SLC24A2: variants seen among roughly 807,000 people sequenced by gnomAD.
The protein encoded by SLC24A2 is sodium/potassium/calcium exchanger 2.
Under a neutral mutation model 62.0 loss-of-function variants are expected in SLC24A2, and 36 were observed. That is an observed-to-expected ratio of 0.58 (90% CI 0.44 to 0.77). The LOEUF is 0.77. SLC24A2 is among the 30% of genes least tolerant of loss of function. The pLI, the probability that SLC24A2 is intolerant of heterozygous loss-of-function variation, is 0.00. For missense variants in SLC24A2, 846 were observed against 817.9 expected, an observed-to-expected ratio of 1.03 and a Z score of -0.42; for synonymous variants, 358 against 294.0, an observed-to-expected ratio of 1.22 and a Z score of -2.23.
the SLC24A2 span, among the ~76,000 whole-genome samples, chr9:19,969,124 T>A: frequency 6.7e-6 from 1 of 150,112 alleles, no homozygotes; most frequent in East Asian, 2.0e-4. Context: ...TAAACCTGAA[T>A]TCCTGAGGCC....
the SLC24A2 span, among the ~76,000 whole-genome samples, chr9:20,276,170 T>A: frequency 1.3e-5 from 2 of 152,182 alleles, no homozygotes; most frequent in Non-Finnish European, 2.9e-5. Context: ...CAAAGTCTCA[T>A]ATGAGACAAG....
the SLC24A2 span, among the ~76,000 whole-genome samples, chr9:19,932,136 T>C: frequency 6.6e-6 from 1 of 152,150 alleles, no homozygotes; most frequent in African/African-American, 2.4e-5. Flanking sequence ...AGTAAAACTC[T>C]AAAAAATAGT....
At chr9:20,161,178 A>G in the SLC24A2 span, among the ~76,000 whole-genome samples, 1 of 151,412 alleles carries the variant, frequency 6.6e-6, no homozygotes, top group Non-Finnish European at 1.5e-5. Context: ...CTTTGACAAA[A>G]CTGACATTAA....
chr9:20,196,303 T>C, the SLC24A2 span, among the ~76,000 whole-genome samples: 1 of 152,336 alleles, frequency 6.6e-6, no homozygotes, highest in African/African-American at 2.4e-5. Context: ...GCATTATTAA[T>C]AGTAATGAAG....
chr9:19,952,945 AT>A, the SLC24A2 span, among the ~76,000 whole-genome samples: 1 of 151,948 alleles, frequency 6.6e-6, no homozygotes, highest in East Asian at 1.9e-4. Flanking sequence ...GTATAAGGCT[AT>A]TAACATTCTC....
chr9:19,917,550 C>A, the SLC24A2 span, among the ~76,000 whole-genome samples: 2 of 151,944 alleles, frequency 1.3e-5, no homozygotes, highest in East Asian at 3.9e-4. Context: ...GAATCACAGC[C>A]AGGTCTTGTG....
At chr9:19,681,876 C>T (rs777649839) in intron 2 of SLC24A2, among the ~76,000 whole-genome samples, 5 of 152,092 alleles carry the variant, frequency 3.3e-5, no homozygotes, top group African/African-American at 1.2e-4. Flanking sequence ...TTCAATTAAC[C>T]TTTATCTAAG....
At chr9:20,109,148 C>A in the SLC24A2 span, among the ~76,000 whole-genome samples, 7 of 152,240 alleles carry the variant, frequency 4.6e-5, no homozygotes, top group Admixed American at 4.6e-4. Context: ...ATACTGTCAT[C>A]TAGGTTTGGG....
chr9:20,137,965 G>C, the SLC24A2 span, among the ~76,000 whole-genome samples: 20 of 152,172 alleles, frequency 1.3e-4, no homozygotes, highest in Non-Finnish European at 1.9e-4. Context: ...GACGATCCAA[G>C]AAAGAGGGAA....
At chr9:19,699,369 C>A (rs1238703241) in intron 2 of SLC24A2, among the ~76,000 whole-genome samples, 3 of 152,150 alleles carry the variant, frequency 2.0e-5, no homozygotes, top group Admixed American at 2.0e-4. Flanking sequence ...CCCCTCTCAT[C>A]CACTGCTGTT....
chr9:20,215,816 C>G, the SLC24A2 span, among the ~76,000 whole-genome samples: 2 of 151,786 alleles, frequency 1.3e-5, no homozygotes, highest in South Asian at 4.1e-4. Flanking sequence ...ACTCCTGGCT[C>G]CAGCCACTAT....
At chr9:19,781,395 GA>G (rs1181471070) in intron 2 of SLC24A2, among the ~76,000 whole-genome samples, 14 of 117,304 alleles carry the variant, frequency 1.2e-4, no homozygotes, top group Non-Finnish European at 2.3e-4. Context: ...GGAAGGGAGA[GA>G]TAATGGTGAC....
chr9:19,817,844 C>A, the SLC24A2 span, among the ~76,000 whole-genome samples: 2 of 152,072 alleles, frequency 1.3e-5, no homozygotes, highest in Admixed American at 6.6e-5. Flanking sequence ...ATCCTCCTGC[C>A]TCAGCCTACT....
chr9:19,678,408 C>A (rs780197527), intron 2 of SLC24A2, among the ~76,000 whole-genome samples: 2 of 152,188 alleles, frequency 1.3e-5, no homozygotes, highest in African/African-American at 4.8e-5. Context: ...GACTTTAAAA[C>A]CTCCTTACCA....
chr9:19,673,750 G>A (rs748835508), intron 2 of SLC24A2, among the ~76,000 whole-genome samples: 1 of 152,080 alleles, frequency 6.6e-6, no homozygotes, highest in South Asian at 2.1e-4. Context: ...GCGCCCAGAC[G>A]TGAGTTCTTA....
chr9:19,789,005 T>C lies in SLC24A2; in HGVS notation c.-274A>G. ...GGCTCTGGCTCGCACTGGCTGCCGC[T>C]CTCGCCAGCCGGGCTGGGTTCGGGA... On this transcript the variant is annotated 5_prime_UTR_variant, in exon 1 of 11. Coordinates refer to ENST00000341998, the MANE Select transcript of SLC24A2 (RefSeq NM_020344.4). The C allele has an allele frequency of 1.1e-6, 1 of 938,544 alleles. No homozygotes were observed. 58.1% of individuals were successfully genotyped at this position (938,544 alleles called of 1,614,324 possible). A position where few individuals can be genotyped will look rare whatever the true frequency, so the allele number is the denominator to read the frequency against.
At chr9:20,232,424 G>T in the SLC24A2 span, among the ~76,000 whole-genome samples, 6 of 152,262 alleles carry the variant, frequency 3.9e-5, no homozygotes, top group East Asian at 9.6e-4. Context: ...CCTGTTATTG[G>T]TCTATTCAGA....
intron 10 of SLC24A2, 150 bp downstream of exon 10, chr9:19,520,744 G>A (rs16937588): frequency 2.7e-6 from 2 of 744,270 alleles, no homozygotes; most frequent in East Asian, 2.6e-5. Flanking sequence ...AAATAGAATT[G>A]GGGAAATGCA....
At chr9:20,204,675 T>A in the SLC24A2 span, among the ~76,000 whole-genome samples, 3 of 151,302 alleles carry the variant, frequency 2.0e-5, no homozygotes, top group Admixed American at 6.6e-5. Context: ...ATACTTACAA[T>A]GAAACAAATA....
Sources: gnomAD v4.1 joint callset for allele counts (sites outside exome capture counted in the v4.1 genomes callset) on GRCh38, gnomAD v4.1.1 for gene constraint, MANE v1.5 for transcripts, NCBI Gene and HGNC (gene_info 2026-07-23, HGNC 2026-07-21) for gene names.